Variants in PTPRD observed in about 807,000 individuals in gnomAD.
PTPRD encodes receptor-type tyrosine-protein phosphatase delta.
In PTPRD, 34 loss-of-function variants were observed where a neutral mutation model predicts 214.5. That is an observed-to-expected ratio of 0.16 (90% CI 0.12 to 0.21). The LOEUF (loss-of-function observed/expected upper bound fraction) is 0.21, where lower values mean the gene tolerates loss of function less well. Among genes scored for constraint, PTPRD ranks in the 10% least tolerant of loss-of-function variants. PTPRD has a pLI of 1.00. For missense variants in PTPRD, 2,545 were observed against 2,398.7 expected, an observed-to-expected ratio of 1.06 and a Z score of -1.27; for synonymous variants, 1,128 against 845.7, an observed-to-expected ratio of 1.33 and a Z score of -5.79.
chr9:9,563,700 T>C (rs1467737915), intron 8 of PTPRD, among the ~76,000 whole-genome samples: 1 of 152,122 alleles, frequency 6.6e-6, no homozygotes, highest in Non-Finnish European at 1.5e-5. Flanking sequence ...AACAAAACCA[T>C]AAAGCTTCCA....
intron 30 of PTPRD, among the ~76,000 whole-genome samples, chr9:8,474,019 G>A (rs1236672043): frequency 3.9e-5 from 6 of 152,020 alleles, no homozygotes; most frequent in South Asian, 2.1e-4. Context: ...TGCCTTACCC[G>A]CAACCTGTCT....
At chr9:10,524,147 G>A (rs1173321965) in intron 2 of PTPRD, among the ~76,000 whole-genome samples, 1 of 151,948 alleles carries the variant, frequency 6.6e-6, no homozygotes, top group Non-Finnish European at 1.5e-5. Context: ...CCTATAGAAA[G>A]GCCTCATCTC....
chr9:10,596,094 C>T (rs1355219816), intron 2 of PTPRD, among the ~76,000 whole-genome samples: 1 of 151,642 alleles, frequency 6.6e-6, no homozygotes, highest in Non-Finnish European at 1.5e-5. Flanking sequence ...CTGATTTATT[C>T]CTACAAAAAC....
chr9:8,345,524 T>G (rs2132786789), intron 39 of PTPRD, among the ~76,000 whole-genome samples: 1 of 152,124 alleles, frequency 6.6e-6, no homozygotes, highest in African/African-American at 2.4e-5. Context: ...CTATCCTTGG[T>G]TTTAAGGACA....
chr9:9,221,170 C>G (rs1455478877), intron 9 of PTPRD, among the ~76,000 whole-genome samples: 1 of 152,006 alleles, frequency 6.6e-6, no homozygotes, highest in East Asian at 1.9e-4. Flanking sequence ...GCCTTGTTAA[C>G]AGGAATAATG....
intron 12 of PTPRD, among the ~76,000 whole-genome samples, chr9:8,699,429 C>T (rs1042018279): frequency 1.3e-5 from 2 of 152,160 alleles, no homozygotes; most frequent in Non-Finnish European, 2.9e-5. Context: ...CATTTGAGGA[C>T]ATTTTTCCCC....
chr9:9,937,606 G>T (rs1343430856), intron 5 of PTPRD, among the ~76,000 whole-genome samples: 2 of 152,044 alleles, frequency 1.3e-5, no homozygotes, highest in Admixed American at 1.3e-4. Flanking sequence ...ATGGAGGAGG[G>T]ATTGTTGAGG....
chr9:9,311,838 T>C (rs10977651), intron 9 of PTPRD, among the ~76,000 whole-genome samples: 28,096 of 152,094 alleles, frequency 0.18, 2,866 homozygotes, highest in East Asian at 0.36. Context: ...ATTGACTGTA[T>C]CCTAGGTAGA....
chr9:9,969,847 C>T (rs895696757), intron 4 of PTPRD, among the ~76,000 whole-genome samples: 1 of 152,170 alleles, frequency 6.6e-6, no homozygotes. Context: ...AGTTTTACTG[C>T]TTGCAGAAAG....
intron 11 of PTPRD, among the ~76,000 whole-genome samples, chr9:8,856,291 G>T (rs1232319876): frequency 6.6e-6 from 1 of 152,176 alleles, no homozygotes; most frequent in Non-Finnish European, 1.5e-5. Flanking sequence ...AGTGGTTGGT[G>T]TGTGCACTTT....
At chr9:10,180,764 G>C (rs947396084) in intron 3 of PTPRD, among the ~76,000 whole-genome samples, 4 of 151,862 alleles carry the variant, frequency 2.6e-5, no homozygotes, top group South Asian at 2.1e-4. Context: ...CTCAACCTTT[G>C]ATTATTTATA....
chr9:9,766,900 A>G (rs997563394), intron 5 of PTPRD, 49 bp from the exon 6 acceptor site: 1 of 152,502 alleles, frequency 6.6e-6, no homozygotes, highest in African/African-American at 2.4e-5. Context: ...GTAAATGCAT[A>G]GATTGAGAAA....
intron 36 of PTPRD, among the ~76,000 whole-genome samples, chr9:8,403,157 G>A (rs574082958): frequency 5.9e-5 from 9 of 152,256 alleles, no homozygotes; most frequent in African/African-American, 1.7e-4. Flanking sequence ...AATTTTGGAC[G>A]TTGAGGAAGC....
At chr9:10,435,809 T>C (rs1222531964) in intron 2 of PTPRD, among the ~76,000 whole-genome samples, 1 of 151,788 alleles carries the variant, frequency 6.6e-6, no homozygotes, top group Admixed American at 6.6e-5. Flanking sequence ...AAAGGATGAG[T>C]TATAAAAATC....
At chr9:10,273,632 G>A (rs2094532079) in intron 3 of PTPRD, among the ~76,000 whole-genome samples, 1 of 152,050 alleles carries the variant, frequency 6.6e-6, no homozygotes, top group African/African-American at 2.4e-5. Context: ...CCACAGTACA[G>A]AAATTGATAG....
chr9:9,126,511 C>T (rs1016071121), intron 10 of PTPRD, among the ~76,000 whole-genome samples: 2 of 152,134 alleles, frequency 1.3e-5, no homozygotes, highest in African/African-American at 2.4e-5. Context: ...CTATGGCATA[C>T]TTATTGTCAC....
intron 2 of PTPRD, among the ~76,000 whole-genome samples, chr9:10,556,413 C>CT (rs1472756740): frequency 6.6e-6 from 1 of 151,816 alleles, no homozygotes; most frequent in African/African-American, 2.4e-5. Flanking sequence ...TTCCATGACA[C>CT]TATATCATTT....
chr9:8,375,173 G>A (rs902300574), intron 39 of PTPRD, among the ~76,000 whole-genome samples: 9 of 151,900 alleles, frequency 5.9e-5, no homozygotes, highest in African/African-American at 2.2e-4. Context: ...ACTCTGACCA[G>A]ATAGCTTGAG....
chr9:8,654,372 G>A (rs2096869721), intron 12 of PTPRD, among the ~76,000 whole-genome samples: 1 of 152,146 alleles, frequency 6.6e-6, no homozygotes, highest in Admixed American at 6.6e-5. Context: ...GGCATGATAT[G>A]TAGTGGGTAC....
Sources: allele counts gnomAD v4.1 joint callset (sites outside exome capture counted in the v4.1 genomes callset), GRCh38; gene constraint gnomAD v4.1.1; transcripts MANE v1.5; gene names NCBI Gene and HGNC (gene_info 2026-07-23, HGNC 2026-07-21).